GNG12: variants seen among roughly 807,000 people sequenced by gnomAD.
The protein encoded by GNG12 is G protein subunit gamma 12.
For missense variants in GNG12, 69 were observed against 83.8 expected, an observed-to-expected ratio of 0.82 and a Z score of 0.69; for synonymous variants, 28 against 29.7, an observed-to-expected ratio of 0.94 and a Z score of 0.19.
At chr1:67,741,254 T>C (rs1203500448) in intron 2 of GNG12, among the ~76,000 whole-genome samples, 2 of 152,246 alleles carry the variant, frequency 1.3e-5, no homozygotes, top group African/African-American at 4.8e-5. Context: ...CTCTGGCCTT[T>C]GGGAGAAATA....
chr1:67,748,067 G>A (rs1207737059), intron 2 of GNG12, among the ~76,000 whole-genome samples: 1 of 152,176 alleles, frequency 6.6e-6, no homozygotes, highest in Non-Finnish European at 1.5e-5. Context: ...AATAATTACA[G>A]AACATTCTAT....
At position 67,769,721 on chromosome 1, in the gene GNG12, G is replaced by A. The variant is rs756001116; in HGVS notation, c.-27+7737C>T. On this transcript the variant is annotated intron_variant, in intron 2 of 3. Transcript: ENST00000370982. The stretch of plus-strand genomic sequence containing the variant: ...TTAGATAACAGGGTGTCTAAGCTTC[G>A]CTTTGGAATCTCTGAGGCCCAGGAA... Among the ~76,000 whole-genome samples, 11 of 152,086 alleles carry A rather than the reference G, an allele frequency of 7.2e-5. No individual in the cohort carries two copies. The East Asian group carries it at 1.7e-3, about 24-fold the overall frequency.
intron 1 of GNG12, among the ~76,000 whole-genome samples, chr1:67,814,777 TA>T (rs138151194): frequency 0.082 from 12,546 of 152,290 alleles, 671 homozygotes; most frequent in Non-Finnish European, 0.099. Flanking sequence ...TCTTTAGTCC[TA>T]GGGGTAGTGT....
chr1:67,750,463 T>C (rs985096310), intron 2 of GNG12, among the ~76,000 whole-genome samples: 1 of 152,204 alleles, frequency 6.6e-6, no homozygotes, highest in Non-Finnish European at 1.5e-5. Context: ...TGCACGCTTT[T>C]TGAGGGCAGA....
chr1:67,742,272 AC>A (rs1476504377), intron 2 of GNG12, among the ~76,000 whole-genome samples: 2 of 152,160 alleles, frequency 1.3e-5, no homozygotes, highest in East Asian at 1.9e-4. Context: ...TATTCTCATG[AC>A]CCAAGTTCTG....
At chr1:67,798,482 AAGGTCAGAC>A (rs1646844991) in intron 1 of GNG12, among the ~76,000 whole-genome samples, 1 of 151,986 alleles carries the variant, frequency 6.6e-6, no homozygotes, top group Admixed American at 6.6e-5. Flanking sequence ...GGAAGAGAAA[AAGGTCAGAC>A]AGAAATTATG....
intron 2 of GNG12, among the ~76,000 whole-genome samples, chr1:67,714,569 C>T (rs868728852): frequency 2.0e-5 from 3 of 152,204 alleles, no homozygotes; most frequent in Non-Finnish European, 4.4e-5. Context: ...TCCTCTTACA[C>T]ACTGTGTGAA....
intron 1 of GNG12, among the ~76,000 whole-genome samples, chr1:67,826,050 G>A (rs1210211641): frequency 6.6e-6 from 1 of 152,156 alleles, no homozygotes. Context: ...CAGAAAACAT[G>A]GTTTTATTCC....
chr1:67,778,617 A>G (rs572394928), intron 1 of GNG12, among the ~76,000 whole-genome samples: 1 of 152,252 alleles, frequency 6.6e-6, no homozygotes, highest in South Asian at 2.1e-4. Context: ...AAACGTCACA[A>G]TAACTTTACG....
At chr1:67,767,023 G>A (rs150862320) in intron 2 of GNG12, among the ~76,000 whole-genome samples, 2 of 152,332 alleles carry the variant, frequency 1.3e-5, no homozygotes, top group Non-Finnish European at 2.9e-5. Context: ...CCCATGGATA[G>A]ATCGTTTTTG....
intron 2 of GNG12, among the ~76,000 whole-genome samples, chr1:67,722,333 C>T (rs1275064609): frequency 6.6e-6 from 1 of 152,138 alleles, no homozygotes; most frequent in Non-Finnish European, 1.5e-5. Flanking sequence ...AGAGTGTGTA[C>T]AGCTCGCTGA....
intron 2 of GNG12, among the ~76,000 whole-genome samples, chr1:67,709,357 T>G (rs1646267764): frequency 1.3e-5 from 2 of 152,090 alleles, no homozygotes; most frequent in South Asian, 2.1e-4. Flanking sequence ...GCCTCAAGGG[T>G]TTTGATTGAG....
chr1:67,803,951 A>G (rs1646880892), intron 1 of GNG12, among the ~76,000 whole-genome samples: 1 of 152,046 alleles, frequency 6.6e-6, no homozygotes, highest in South Asian at 2.1e-4. Flanking sequence ...GCAACTGGAG[A>G]GGAGATGATG....
intron 1 of GNG12, among the ~76,000 whole-genome samples, chr1:67,818,865 G>C (rs1411505391): frequency 6.6e-6 from 1 of 152,164 alleles, no homozygotes; most frequent in Non-Finnish European, 1.5e-5. Flanking sequence ...AGTAAACTGA[G>C]ACACAGCCGT....
At chr1:67,795,791 G>C (rs1264065395) in intron 1 of GNG12, among the ~76,000 whole-genome samples, 1 of 152,168 alleles carries the variant, frequency 6.6e-6, no homozygotes, top group African/African-American at 2.4e-5. Flanking sequence ...ACAAGAAAAA[G>C]GATGTGGAGT....
chr1:67,805,957 A>C (rs1646892519), intron 1 of GNG12, among the ~76,000 whole-genome samples: 1 of 152,070 alleles, frequency 6.6e-6, no homozygotes, highest in South Asian at 2.1e-4. Context: ...TTGACTTCTC[A>C]GAATTCATGT....
chr1:67,764,288 T>C (rs1646623168), intron 2 of GNG12, among the ~76,000 whole-genome samples: 1 of 152,098 alleles, frequency 6.6e-6, no homozygotes, highest in Non-Finnish European at 1.5e-5. Context: ...GAGCTGCAGC[T>C]GGGGGACCAG....
At chr1:67,774,375 T>G (rs895176712) in intron 2 of GNG12, among the ~76,000 whole-genome samples, 2 of 152,222 alleles carry the variant, frequency 1.3e-5, no homozygotes, top group Non-Finnish European at 2.9e-5. Context: ...TACACCTATG[T>G]TTAAAGGCCA....
At chr1:67,825,379 C>G (rs1200146796) in intron 1 of GNG12, among the ~76,000 whole-genome samples, 1 of 152,142 alleles carries the variant, frequency 6.6e-6, no homozygotes, top group African/African-American at 2.4e-5. Context: ...GAAGTATGAA[C>G]CAGCACCTTG....
Sources: gnomAD v4.1 joint callset for allele counts (sites outside exome capture counted in the v4.1 genomes callset) on GRCh38, gnomAD v4.1.1 for gene constraint, MANE v1.5 for transcripts, NCBI Gene and HGNC (gene_info 2026-07-23, HGNC 2026-07-21) for gene names.